The following DYRK4 variants were observed in gnomAD, a reference collection of about 807,000 sequenced individuals.
The protein encoded by DYRK4 is dual specificity tyrosine phosphorylation regulated kinase 4.
Under a neutral mutation model 68.3 loss-of-function variants are expected in DYRK4, and 64 were observed. The observed-to-expected ratio is 0.94, with a 90% CI of 0.77 to 1.15. The LOEUF is 1.15. Among genes scored for constraint, DYRK4 ranks in the 50% most tolerant of loss-of-function variants. The pLI is 0.00. For missense variants in DYRK4, 740 were observed against 764.7 expected (o/e 0.97, Z 0.38); for synonymous variants, 274 against 289.9 (o/e 0.95, Z 0.56).
At chr12:4,605,222 GAGTTTTGA>G in intron 11 of DYRK4, 136 bp downstream of exon 11, 1 of 729,842 alleles carries the variant, frequency 1.4e-6, no homozygotes. Context: ...TCCCTAAAAG[GAGTTTTGA>G]AATTGTGTAC....
chr12:4,565,136 T>C (rs1944663993), intron 1 of DYRK4, among the ~76,000 whole-genome samples: 1 of 152,200 alleles, frequency 6.6e-6, no homozygotes, highest in Non-Finnish European at 1.5e-5. Context: ...AAACGAAATA[T>C]AAAAAGCAGT....
intron 10 of DYRK4, among the ~76,000 whole-genome samples, chr12:4,603,688 C>T (rs1945107391): frequency 6.6e-6 from 1 of 152,230 alleles, no homozygotes; most frequent in Non-Finnish European, 1.5e-5. Flanking sequence ...TTTTTGAGGA[C>T]ATAAAACCTT....
At chr12:4,592,319 C>A (rs1459374598) in intron 5 of DYRK4, among the ~76,000 whole-genome samples, 1 of 152,056 alleles carries the variant, frequency 6.6e-6, no homozygotes, top group Non-Finnish European at 1.5e-5. Flanking sequence ...TTTTCTTTTT[C>A]CTTGCAGTTC....
At chr12:4,603,135 A>T in intron 10 of DYRK4, 1 of 1,410,274 alleles carries the variant, frequency 7.1e-7, no homozygotes, top group Non-Finnish European at 1.0e-6. Flanking sequence ...TCTGAATCTG[A>T]TATGGGATCC....
chr12:4,574,807 TC>T (rs1471092247), intron 2 of DYRK4, among the ~76,000 whole-genome samples: 1 of 152,196 alleles, frequency 6.6e-6, no homozygotes, highest in East Asian at 1.9e-4. Context: ...AGCCTCCGCC[TC>T]CCCAGTTCAA....
At chr12:4,575,032 G>A (rs73255490) in intron 2 of DYRK4, among the ~76,000 whole-genome samples, 3,223 of 152,232 alleles carry the variant, frequency 0.021, 120 homozygotes, top group African/African-American at 0.071. Flanking sequence ...GTTTGCTATT[G>A]AAAATGATGC....
Position 4,613,600 on chromosome 12 carries a change from C to G in DYRK4, c.1752C>G (p.Leu584=). 1 of 1,614,210 alleles carries G rather than the reference C, an allele frequency of 6.2e-7. No individual in the cohort carries two copies. The highest frequency in any genetic ancestry group is 8.5e-7 in the Non-Finnish European group (1 of 1,180,024). ...ATTCAGGTGATCAGCAGGACTGTCTCCAGCACGGAGCTGACACTGTTCAGC... is the reference window on the plus strand; with the variant it reads ...ATTCAGGTGATCAGCAGGACTGTCTGCAGCACGGAGCTGACACTGTTCAGC... ...VQHSGDQQDC[L]QHGADTVQLP... Residue 584 remains leucine (L), a synonymous_variant, in exon 15 of 15, where the codon CTC becomes CTG. Transcript: ENST00000543431. The surrounding 1 kb of genome is among the most constrained non-coding windows in gnomAD (Gnocchi z 4.0).
chr12:4,577,689 A>G (rs1038659910), intron 2 of DYRK4, among the ~76,000 whole-genome samples: 11 of 152,152 alleles, frequency 7.2e-5, no homozygotes, highest in Non-Finnish European at 1.6e-4. Context: ...TCTGATTGGG[A>G]TTGTGTTGAA....
chr12:4,602,589 A>C (rs755358340), intron 10 of DYRK4: 18 of 1,321,240 alleles, frequency 1.4e-5, no homozygotes, highest in Non-Finnish European at 2.0e-5. Flanking sequence ...GAGTGACAAC[A>C]TCAATCTTTG....
At chr12:4,584,283 G>T (rs80286333) in intron 2 of DYRK4, among the ~76,000 whole-genome samples, 3,279 of 152,272 alleles carry the variant, frequency 0.022, 94 homozygotes, top group African/African-American at 0.073. Context: ...TAGGCACATA[G>T]ATATGTTCAG....
chr12:4,584,377 G>A (rs546515359), intron 2 of DYRK4, among the ~76,000 whole-genome samples: 22 of 152,260 alleles, frequency 1.4e-4, no homozygotes, highest in African/African-American at 5.1e-4. Context: ...GGAAGCAGGA[G>A]GCAGGTGTTG....
chr12:4,570,255 T>TA (rs1052883064), intron 2 of DYRK4, among the ~76,000 whole-genome samples: 1 of 150,668 alleles, frequency 6.6e-6, no homozygotes, highest in Non-Finnish European at 1.5e-5. Context: ...AAATAAAATT[T>TA]AAAAAAAAAG....
chr12:4,589,057 T>G, intron 3 of DYRK4, 40 bp downstream of exon 3: 1 of 1,524,246 alleles, frequency 6.6e-7, no homozygotes, highest in African/African-American at 1.4e-5. Flanking sequence ...TAGGAGAGAA[T>G]GAGGAGAGGT....
chr12:4,599,247 T>G, intron 9 of DYRK4, 81 bp downstream of exon 9: 12 of 794,322 alleles, frequency 1.5e-5, no homozygotes, highest in Non-Finnish European at 2.0e-5. Context: ...AATCACAAAC[T>G]CCAATCAAAT....
chr12:4,584,379 C>G lies in DYRK4; in HGVS notation c.133-4558C>G, dbSNP rs146545498. On this transcript the variant is annotated intron_variant, in intron 2 of 14. Transcript: ENST00000543431. ...CCTTCCGGCTTGCGGAAGCAGGAGG[C>G]AGGTGTTGCCGGAAGAATCTTTGAG... 1.6e-3 allele frequency among the ~76,000 whole-genome samples: 240 copies of G among 152,244 alleles called. 1 individual carries two copies. Among genetic ancestry groups the G allele is most frequent in the African/African-American group, 5.5e-3 (227 of 41,534 alleles).
intron 4 of DYRK4, chr12:4,590,760 C>A: frequency 2.4e-6 from 1 of 410,572 alleles, no homozygotes; most frequent in Non-Finnish European, 4.1e-6. Context: ...TGTGTAGGGA[C>A]CAAATAAGAT....
In DYRK4 at chr12:4,612,560, G is replaced by T; in HGVS notation, c.1508G>T (p.Arg503Leu). 1 of 1,614,060 alleles carries T rather than the reference G, an allele frequency of 6.2e-7. No individual in the cohort carries two copies. The highest frequency in any genetic ancestry group is 8.5e-7 in the Non-Finnish European group (1 of 1,179,950). The change falls in exon 14 of 15, where the codon CGC (arginine) becomes CTC (leucine). Residue 503 changes from arginine to leucine, a missense_variant. Transcript: ENST00000543431. ...GGGTGCAGATGGGAACCTTCTCTTCGCATGACCCCGGACCAGGCCCTCAAG... is the reference window on the plus strand; with the variant it reads ...GGGTGCAGATGGGAACCTTCTCTTCTCATGACCCCGGACCAGGCCCTCAAG... ...RRCLVWEPSL[R>L]MTPDQALKHA... is the part of the protein sequence containing the mutation.
At chr12:4,564,124 T>C (rs1944654450) in intron 1 of DYRK4, among the ~76,000 whole-genome samples, 1 of 152,022 alleles carries the variant, frequency 6.6e-6, no homozygotes. Flanking sequence ...ATGCAGAGGG[T>C]CCAAGGAATT....
At chr12:4,570,058 T>C (rs985946495) in intron 2 of DYRK4, among the ~76,000 whole-genome samples, 10 of 132,996 alleles carry the variant, frequency 7.5e-5, no homozygotes, top group Non-Finnish European at 1.0e-4. Context: ...ATAATAATAA[T>C]AATAATAATA....
Sources: gnomAD v4.1 joint callset for allele counts (sites outside exome capture counted in the v4.1 genomes callset) on GRCh38, gnomAD v4.1.1 for gene constraint, Gnocchi (gnomAD v3.1) non-coding constraint, MANE v1.5 for transcripts, NCBI Gene and HGNC (gene_info 2026-07-23, HGNC 2026-07-21) for gene names.